The following KALRN variants were observed in gnomAD, a reference collection of about 807,000 sequenced individuals.
KALRN encodes the protein kalirin RhoGEF kinase.
Under a neutral mutation model 353.7 loss-of-function variants are expected in KALRN, and 70 were observed. The observed-to-expected ratio is 0.20, with a 90% CI of 0.16 to 0.24. The LOEUF is 0.24. Among genes scored for constraint, KALRN ranks in the 10% least tolerant of loss-of-function variants. The pLI is 1.00. For missense variants in KALRN, 2,791 were observed against 3,756.7 expected (o/e 0.74, Z 6.72); for synonymous variants, 1,391 against 1,434.8 (o/e 0.97, Z 0.69).
chr3:124,364,413 G>A (rs1450459939), intron 10 of KALRN, among the ~76,000 whole-genome samples: 1 of 152,218 alleles, frequency 6.6e-6, no homozygotes, highest in East Asian at 1.9e-4. Context: ...TTTCCCTGAA[G>A]AGCTTTATGT....
intron 38 of KALRN, 90 bp downstream of exon 38, chr3:124,651,028 C>T (rs917575720): frequency 6.7e-7 from 1 of 1,487,818 alleles, no homozygotes; most frequent in Non-Finnish European, 9.2e-7. Flanking sequence ...GAGGGGTTCC[C>T]CACGCTGTTT....
chr3:124,523,194 C>A (rs2109034298), intron 33 of KALRN, among the ~76,000 whole-genome samples: 1 of 152,298 alleles, frequency 6.6e-6, no homozygotes, highest in Non-Finnish European at 1.5e-5. Context: ...ACTCCTATTC[C>A]ATTTTTCTTT....
At chr3:124,123,970 T>C (rs907281195) in intron 1 of KALRN, among the ~76,000 whole-genome samples, 8 of 152,220 alleles carry the variant, frequency 5.3e-5, no homozygotes, top group African/African-American at 1.9e-4. Context: ...AGGAGATAAA[T>C]GTTGCTTTCA....
At chr3:124,394,467 G>C (rs938427035) in intron 11 of KALRN, among the ~76,000 whole-genome samples, 2 of 152,132 alleles carry the variant, frequency 1.3e-5, no homozygotes, top group African/African-American at 4.8e-5. Flanking sequence ...TGCTTATTTT[G>C]TTCAAAACAC....
rs192271694 is a variant in KALRN at position 124,488,139 on chromosome 3, G to A, written c.4285-65G>A. The stretch of plus-strand genomic sequence containing the variant: ...AAGCTGGTCTATAATTTCCTTGCTG[G>A]GTTAGGTGGTGGGAGGAAGCTGGGG... On this transcript the variant is annotated intron_variant, in intron 28 of 59. Transcript: ENST00000682506. The A allele has an allele frequency of 2.4e-3, 2,202 of 930,362 alleles. 4 individuals carry two copies. The highest frequency in any genetic ancestry group is 3.0e-3 in the Non-Finnish European group (1,723 of 571,158). 57.6% of individuals were successfully genotyped at this position (930,362 alleles called of 1,614,324 possible).
chr3:124,626,558 T>C (rs1269239336), intron 34 of KALRN, among the ~76,000 whole-genome samples: 3 of 152,210 alleles, frequency 2.0e-5, no homozygotes, highest in Non-Finnish European at 4.4e-5. Flanking sequence ...GGGCTCTTTA[T>C]TATTTGCAGT....
At chr3:124,218,107 A>G (rs961559001) in intron 1 of KALRN, among the ~76,000 whole-genome samples, 1 of 152,054 alleles carries the variant, frequency 6.6e-6, no homozygotes, top group Non-Finnish European at 1.5e-5. Flanking sequence ...CTTTACTGCC[A>G]CCCATATGGG....
At chr3:124,687,316 T>A (rs1272789218) in intron 51 of KALRN, among the ~76,000 whole-genome samples, 2 of 152,164 alleles carry the variant, frequency 1.3e-5, no homozygotes, top group African/African-American at 4.8e-5. Context: ...ACTCCACCAC[T>A]GCATCCTCCT....
At chr3:124,412,255 T>A (rs1460552189) in intron 13 of KALRN, among the ~76,000 whole-genome samples, 1 of 152,166 alleles carries the variant, frequency 6.6e-6, no homozygotes, top group African/African-American at 2.4e-5. Context: ...CAGCAGTTTT[T>A]GATAACTTGG....
intron 34 of KALRN, among the ~76,000 whole-genome samples, chr3:124,594,928 TC>T (rs1303006261): frequency 1.3e-5 from 2 of 152,116 alleles, no homozygotes; most frequent in Non-Finnish European, 1.5e-5. Context: ...CAGGGATTTT[TC>T]TTTCCTTTTT....
intron 33 of KALRN, among the ~76,000 whole-genome samples, chr3:124,544,125 G>T (rs1310609424): frequency 3.9e-5 from 6 of 152,226 alleles, no homozygotes; most frequent in African/African-American, 1.4e-4. Context: ...TGTCATGTGT[G>T]TTGGGAACAT....
chr3:124,239,032 G>A (rs573020382), intron 3 of KALRN, among the ~76,000 whole-genome samples: 51 of 152,230 alleles, frequency 3.4e-4, no homozygotes, highest in African/African-American at 1.2e-3. Flanking sequence ...GACAAGTTCT[G>A]GATAGGAATC....
At chr3:124,306,826 A>G (rs574036961) in intron 6 of KALRN, among the ~76,000 whole-genome samples, 1 of 152,334 alleles carries the variant, frequency 6.6e-6, no homozygotes, top group East Asian at 1.9e-4. Context: ...ATGGAGGTCC[A>G]AAGGAAGTAG....
intron 34 of KALRN, among the ~76,000 whole-genome samples, chr3:124,581,070 G>A (rs775157863): frequency 2.0e-4 from 30 of 152,274 alleles, no homozygotes; most frequent in Middle Eastern, 3.4e-3. Context: ...GGTTATTGGT[G>A]TCTAACCCTA....
At chr3:124,167,459 C>A (rs908429466) in intron 1 of KALRN, among the ~76,000 whole-genome samples, 2 of 152,190 alleles carry the variant, frequency 1.3e-5, no homozygotes, top group African/African-American at 4.8e-5. Flanking sequence ...ATACAGCAAA[C>A]CTGTTTTCCC....
At chr3:124,496,526 G>A (rs2063869336) in intron 33 of KALRN, 113 bp downstream of exon 33, 4 of 764,136 alleles carry the variant, frequency 5.2e-6, no homozygotes, top group Middle Eastern at 4.7e-4. Flanking sequence ...TCAGGAGCCA[G>A]TTGTCTCTTT....
chr3:124,153,721 T>G (rs1415662318), intron 1 of KALRN, among the ~76,000 whole-genome samples: 5 of 151,802 alleles, frequency 3.3e-5, no homozygotes, highest in Non-Finnish European at 5.9e-5. Flanking sequence ...TGAACTAGTT[T>G]ACAGTCCCAC....
intron 34 of KALRN, among the ~76,000 whole-genome samples, chr3:124,572,859 G>A (rs996479629): frequency 6.6e-6 from 1 of 151,986 alleles, no homozygotes; most frequent in Admixed American, 6.6e-5. Context: ...GCAACAGAGC[G>A]AGACCCCGTC....
At chr3:124,711,374 G>A (rs550371714) in intron 57 of KALRN, among the ~76,000 whole-genome samples, 8 of 152,250 alleles carry the variant, frequency 5.3e-5, no homozygotes, top group South Asian at 2.1e-4. Context: ...AGTATTATTA[G>A]AAAGTTGTCT....
Sources: allele counts gnomAD v4.1 joint callset (sites outside exome capture counted in the v4.1 genomes callset), GRCh38; gene constraint gnomAD v4.1.1; transcripts MANE v1.5; gene names NCBI Gene and HGNC (gene_info 2026-07-23, HGNC 2026-07-21).